Variants in FBXW8 observed in about 807,000 individuals in gnomAD.
The protein encoded by FBXW8 is F-box and WD repeat domain containing 8, also known as F-box/WD repeat-containing protein 8.
Under a neutral mutation model 65.3 loss-of-function variants are expected in FBXW8, and 57 were observed. The ratio of observed to expected loss-of-function variants is 0.87; its 90% CI spans 0.71 to 1.09. The LOEUF is 1.09. FBXW8 is among the 50% of genes least tolerant of loss of function. The probability of loss-of-function intolerance (pLI) is 0.00; values close to 1 mark genes in which losing one functional copy is unlikely to be tolerated. For synonymous variants in FBXW8, 308 were observed against 330.2 expected, an observed-to-expected ratio of 0.93 and a Z score of 0.73; for missense variants, 777 against 814.8, an observed-to-expected ratio of 0.95 and a Z score of 0.57.
Position 117,028,285 on chromosome 12 carries a change from C to A in FBXW8, c.*113C>A. 7.4e-7 allele frequency: 1 copy of A among 1,345,894 alleles called. No homozygotes were observed. The highest frequency in any genetic ancestry group is 1.0e-6 in the Non-Finnish European group (1 of 986,204). The allele number at this position is 1,345,894 out of a possible 1,614,324, so 83.4% of individuals were successfully genotyped here. On this transcript the variant is annotated 3_prime_UTR_variant, in exon 11 of 11. Transcript: ENST00000652555. The surrounding 1 kb of genome is among the most constrained non-coding windows in gnomAD (Gnocchi z 4.1). ...AAACATTTAGGGGAAGAAAGCAGCC[C>A]AGGGTGCCATGCCTGACAGCACGCA... is the stretch of plus-strand genomic sequence containing the variant.
chr12:116,988,932 A>G lies in FBXW8; in HGVS notation c.1239+63A>G. ...ATATAGATTTATTTTTTAGAAGGGA[A>G]TTGAAAAATTAAAGCTCTTCAATAT... On this transcript the variant is annotated intron_variant, in intron 7 of 10. Coordinates refer to ENST00000652555, the MANE Select transcript of FBXW8 (RefSeq NM_153348.3). The G allele has an allele frequency of 2.0e-6, 3 of 1,472,440 alleles. No individual in the cohort carries two copies. In the South Asian group the frequency reaches 3.6e-5, roughly 18 times the overall value. 91.2% of individuals were successfully genotyped at this position (1,472,440 alleles called of 1,614,324 possible).
intron 7 of FBXW8, among the ~76,000 whole-genome samples, chr12:117,008,178 ATTTACC>A (rs1953722993): frequency 6.6e-6 from 1 of 152,186 alleles, no homozygotes; most frequent in Non-Finnish European, 1.5e-5. Flanking sequence ...CAGTTCTTAG[ATTTACC>A]ATCAACATTC....
chr12:116,940,637 T>G (rs984821100), intron 2 of FBXW8, among the ~76,000 whole-genome samples: 1 of 152,126 alleles, frequency 6.6e-6, no homozygotes, highest in African/African-American at 2.4e-5. Context: ...CAATCTTTTC[T>G]TTTGTCTGCA....
At chr12:116,972,339 G>A (rs747848925) in intron 5 of FBXW8, among the ~76,000 whole-genome samples, 4 of 152,156 alleles carry the variant, frequency 2.6e-5, no homozygotes, top group East Asian at 1.9e-4. Flanking sequence ...AAGATAAATC[G>A]AATTTTAAGT....
chr12:117,021,158 G>C (rs937567), intron 8 of FBXW8, among the ~76,000 whole-genome samples: 4,172 of 152,276 alleles, frequency 0.027, 186 homozygotes, highest in African/African-American at 0.089. Flanking sequence ...TACCTTTGCT[G>C]GGTAGATTGG....
chr12:116,915,675 T>TAA (rs57829718), intron 1 of FBXW8, among the ~76,000 whole-genome samples: 1 of 134,508 alleles, frequency 7.4e-6, no homozygotes, highest in African/African-American at 3.1e-5. Context: ...TTTTGGGAGA[T>TAA]AGAGTCTTAC....
intron 7 of FBXW8, among the ~76,000 whole-genome samples, chr12:116,998,607 G>A (rs952183482): frequency 2.6e-5 from 4 of 152,216 alleles, no homozygotes; most frequent in Non-Finnish European, 5.9e-5. Context: ...TGGTTTGTTT[G>A]TGCCAAATAA....
intron 4 of FBXW8, among the ~76,000 whole-genome samples, chr12:116,955,361 C>T (rs998615537): frequency 1.3e-5 from 2 of 152,134 alleles, no homozygotes; most frequent in African/African-American, 2.4e-5. Flanking sequence ...GCTTTTTCAG[C>T]GAAAATTTCT....
rs1431257977 is a variant in FBXW8 at position 117,029,642 on chromosome 12, T to C, written c.*1470T>C. On this transcript the variant is annotated 3_prime_UTR_variant, in exon 11 of 11. Transcript: ENST00000652555. ...TTTTTTCAGGTGGGGTCTCGCTCTG[T>C]CACCTAGACTAGACTGGAGTGCAAT... 1 of 152,124 alleles carries C rather than the reference T, an allele frequency of 6.6e-6. No homozygotes were observed. Among genetic ancestry groups the C allele is most frequent in the African/African-American group, 2.4e-5 (1 of 41,420 alleles). The allele number at this position is 152,124 out of a possible 1,614,324, so 9.4% of individuals were successfully genotyped here. A position where few individuals can be genotyped will look rare whatever the true frequency, so the allele number is the denominator to read the frequency against.
intron 2 of FBXW8, among the ~76,000 whole-genome samples, chr12:116,929,579 A>G (rs1242225483): frequency 6.6e-6 from 1 of 152,172 alleles, no homozygotes; most frequent in Non-Finnish European, 1.5e-5. Flanking sequence ...TTTTAAATGG[A>G]CAAATAAAGT....
At chr12:117,008,707 C>T (rs1953733919) in intron 7 of FBXW8, among the ~76,000 whole-genome samples, 2 of 152,146 alleles carry the variant, frequency 1.3e-5, no homozygotes, top group Non-Finnish European at 2.9e-5. Flanking sequence ...AAATCTGTAT[C>T]GTGGTAAGTG....
At chr12:117,026,759 A>G (rs1368571209) in intron 9 of FBXW8, among the ~76,000 whole-genome samples, 1 of 152,218 alleles carries the variant, frequency 6.6e-6, no homozygotes, top group Non-Finnish European at 1.5e-5. Context: ...TCCCTGGGCC[A>G]GGCATCCACC....
At chr12:117,014,801 C>G (rs1042227116) in intron 8 of FBXW8, among the ~76,000 whole-genome samples, 6 of 152,164 alleles carry the variant, frequency 3.9e-5, no homozygotes, top group African/African-American at 1.4e-4. Context: ...TTGAATCTGT[C>G]CCACATAGCC....
intron 8 of FBXW8, among the ~76,000 whole-genome samples, chr12:117,013,422 A>G (rs892652643): frequency 3.8e-5 from 5 of 132,788 alleles, no homozygotes; most frequent in South Asian, 4.8e-4. Flanking sequence ...GTGTAGATCA[A>G]TGAGTTTTTC....
chr12:116,957,042 G>T (rs1312533047), intron 4 of FBXW8, among the ~76,000 whole-genome samples: 1 of 151,918 alleles, frequency 6.6e-6, no homozygotes, highest in Non-Finnish European at 1.5e-5. Context: ...GCTTTTTCCA[G>T]TAATTACAAA....
Position 117,029,491 on chromosome 12 carries a change from C to T in FBXW8, c.*1319C>T, listed in dbSNP as rs1954311065. 6.6e-6 allele frequency: 1 copy of T among 151,972 alleles called. No individual in the cohort carries two copies. Among genetic ancestry groups the T allele is most frequent in the Admixed American group, 6.6e-5 (1 of 15,238 alleles). 9.4% of individuals were successfully genotyped at this position (151,972 alleles called of 1,614,324 possible). ...TGGGAGGGGCTGTGAGGGGCTGGCA[C>T]CTCAGCTCAGAAAAGGTAGCAGCAA... is the stretch of plus-strand genomic sequence containing the variant. On this transcript the variant is annotated 3_prime_UTR_variant, in exon 11 of 11. Transcript: ENST00000652555.
intron 6 of FBXW8, among the ~76,000 whole-genome samples, 162 bp from the exon 7 acceptor site, chr12:116,988,501 G>C (rs879168688): frequency 6.6e-6 from 1 of 152,090 alleles, no homozygotes; most frequent in Admixed American, 6.5e-5. Flanking sequence ...CATCTTTTCT[G>C]TTGTGTAAGA....
intron 5 of FBXW8, among the ~76,000 whole-genome samples, chr12:116,972,482 A>T (rs1884694987): frequency 6.6e-6 from 1 of 152,240 alleles, no homozygotes; most frequent in Non-Finnish European, 1.5e-5. Context: ...GAAAAGCAAA[A>T]TGCATCTGCT....
intron 4 of FBXW8, among the ~76,000 whole-genome samples, chr12:116,955,146 G>A (rs1339953185): frequency 1.3e-5 from 2 of 151,898 alleles, no homozygotes; most frequent in East Asian, 1.9e-4. Context: ...ACTCCCCTTC[G>A]GCGATTCCAC....
Sources: gnomAD v4.1 joint callset for allele counts (sites outside exome capture counted in the v4.1 genomes callset) on GRCh38, gnomAD v4.1.1 for gene constraint, Gnocchi (gnomAD v3.1) non-coding constraint, MANE v1.5 for transcripts, NCBI Gene and HGNC (gene_info 2026-07-23, HGNC 2026-07-21) for gene names.